LMF1: variants seen among roughly 807,000 people sequenced by gnomAD.
LMF1 encodes the protein transmembrane protein 112.
LMF1 carries 68 observed loss-of-function variants against 60.6 expected under a neutral mutation model. The observed-to-expected ratio is 1.12, with a 90% CI of 0.92 to 1.37. The LOEUF is 1.37. LMF1 is among the 40% of genes most tolerant of loss of function. The pLI, the probability that LMF1 is intolerant of heterozygous loss-of-function variation, is 0.00. For synonymous variants in LMF1, 418 were observed against 324.7 expected, an observed-to-expected ratio of 1.29 and a Z score of -3.09; for missense variants, 948 against 767.2, an observed-to-expected ratio of 1.24 and a Z score of -2.78.
intron 10 of LMF1, among the ~76,000 whole-genome samples, chr16:856,373 A>G (rs7188648): frequency 0.087 from 13,245 of 152,168 alleles, 1,703 homozygotes; most frequent in African/African-American, 0.28. Context: ...GACGGGCTGG[A>G]ATGCGGCCGT....
chr16:868,776 C>CGGT (rs1214317118), intron 10 of LMF1, among the ~76,000 whole-genome samples, 168 bp downstream of exon 10: 534 of 50,094 alleles, frequency 0.011, 5 homozygotes, highest in African/African-American at 0.024. Context: ...TGATGTGGGG[C>CGGT]GGGGGGGGGG....
chr16:861,353 TC>T (rs2069459800), intron 10 of LMF1, among the ~76,000 whole-genome samples: 3 of 137,078 alleles, frequency 2.2e-5, no homozygotes, highest in Admixed American at 7.6e-5. Context: ...TAATTTTCTT[TC>T]TTTTTTTTTT....
intron 8 of LMF1, 107 bp from the exon 9 acceptor site, chr16:870,173 G>C: frequency 7.7e-7 from 1 of 1,302,512 alleles, no homozygotes; most frequent in Non-Finnish European, 1.0e-6. Flanking sequence ...CCCAGGGGGA[G>C]GGCTACAGCC....
intron 4 of LMF1, among the ~76,000 whole-genome samples, chr16:894,882 C>T (rs1029760247): frequency 4.6e-5 from 7 of 152,222 alleles, no homozygotes; most frequent in African/African-American, 7.2e-5. Context: ...AAATGGAATT[C>T]GGGGAACACG....
intron 5 of LMF1, among the ~76,000 whole-genome samples, chr16:888,480 G>C (rs1344949387): frequency 6.6e-6 from 1 of 152,210 alleles, no homozygotes; most frequent in African/African-American, 2.4e-5. Context: ...CTTGATGACA[G>C]CTGACTTCCT....
At chr16:860,359 A>G (rs867439112) in intron 10 of LMF1, among the ~76,000 whole-genome samples, 30 of 145,286 alleles carry the variant, frequency 2.1e-4, no homozygotes, top group African/African-American at 7.7e-4. Flanking sequence ...TTTTTTTTTG[A>G]GATGGGCTCT....
chr16:981,222 G>A (rs1399831242), exon 1 of LMF1: 1 of 455,040 alleles, frequency 2.2e-6, no homozygotes, highest in East Asian at 7.0e-5. Context: ...GTCCTGGACC[G>A]CAGGCAGCAG....
intron 4 of LMF1, among the ~76,000 whole-genome samples, chr16:906,407 C>T (rs1380327451): frequency 6.6e-6 from 1 of 152,042 alleles, no homozygotes; most frequent in African/African-American, 2.4e-5. Context: ...TCATCAGCCG[C>T]CAGAGAATAT....
At chr16:912,403 G>T (rs537609483) in intron 3 of LMF1, among the ~76,000 whole-genome samples, 1 of 152,314 alleles carries the variant, frequency 6.6e-6, no homozygotes, top group South Asian at 2.1e-4. Context: ...ATCTCTACCT[G>T]AGATACTACG....
At chr16:871,709 G>A (rs1036993085) in intron 6 of LMF1, 1 of 224,636 alleles carries the variant, frequency 4.5e-6, no homozygotes, top group Non-Finnish European at 8.8e-6. Context: ...CCCGGGGAAG[G>A]CTGGTGAGTC....
chr16:862,966 G>T (rs956835149), intron 10 of LMF1, among the ~76,000 whole-genome samples: 1 of 152,104 alleles, frequency 6.6e-6, no homozygotes, highest in Non-Finnish European at 1.5e-5. Flanking sequence ...TCTGAGCCTG[G>T]ATATTTCTTT....
intron 6 of LMF1, chr16:871,932 A>G (rs2069807487): frequency 6.6e-6 from 1 of 152,626 alleles, no homozygotes; most frequent in Non-Finnish European, 1.5e-5. Context: ...GCTGAGCAGC[A>G]CGGCTGGGAG....
intron 1 of LMF1, among the ~76,000 whole-genome samples, chr16:966,818 CT>C (rs1368061807): frequency 1.3e-5 from 2 of 152,254 alleles, no homozygotes; most frequent in Non-Finnish European, 2.9e-5. Context: ...CTGAGCCCCA[CT>C]ACTTCCACCT....
intron 4 of LMF1, among the ~76,000 whole-genome samples, chr16:894,410 C>G (rs1184647022): frequency 1.4e-5 from 2 of 146,934 alleles, no homozygotes; most frequent in Non-Finnish European, 3.0e-5. Flanking sequence ...TCCACTGGAC[C>G]GTCCGTCGAC....
At chr16:953,936 CGTCCACACAGACA>C (rs2072579164) in intron 2 of LMF1, among the ~76,000 whole-genome samples, 1 of 95,916 alleles carries the variant, frequency 1.0e-5, no homozygotes, top group African/African-American at 3.9e-5. Context: ...GCTTCCTACA[CGTCCACACAGACA>C]CCCACCCCAA....
chr16:898,398 C>A (rs769544470), intron 4 of LMF1, among the ~76,000 whole-genome samples: 2 of 152,254 alleles, frequency 1.3e-5, no homozygotes, highest in Non-Finnish European at 2.9e-5. Flanking sequence ...CTGACCAATG[C>A]CAGCCGGGAG....
chr16:875,093 A>G (rs2069934740), intron 6 of LMF1, among the ~76,000 whole-genome samples: 1 of 152,022 alleles, frequency 6.6e-6, no homozygotes, highest in Non-Finnish European at 1.5e-5. Flanking sequence ...TCCTGGACAC[A>G]GTGTGGGGCT....
intron 10 of LMF1, among the ~76,000 whole-genome samples, chr16:858,608 G>C (rs1462139291): frequency 1.4e-4 from 14 of 97,046 alleles, no homozygotes; most frequent in Non-Finnish European, 8.6e-5. Context: ...CTCGGGACGG[G>C]TGTGCAGTGG....
rs376658034 is a variant in LMF1 at position 934,246 on chromosome 16, A to C, written c.512T>G (p.Phe171Cys). Residue 171 changes from phenylalanine to cysteine, a missense_variant and splice_region_variant, in exon 3 of 11, where the codon TTC becomes TGC. Physicochemically the swap from Phe to Cys is radical, Grantham distance 205. Coordinates refer to ENST00000262301, the MANE Select transcript of LMF1 (RefSeq NM_022773.4). ...LVNVGHVWYS[F>C]GWESQLLETG... is the part of the protein sequence containing the mutation. ...TTCTCTAAATGCATCTCACTTACCG[A>C]AAGAGTACCTGAAAAACAAAAGAAG... 1.9e-5 allele frequency: 30 copies of C among 1,599,262 alleles called. No homozygotes were observed. The highest frequency in any genetic ancestry group is 2.5e-5 in the Non-Finnish European group (29 of 1,179,756).
Sources: gnomAD v4.1 joint callset for allele counts (sites outside exome capture counted in the v4.1 genomes callset) on GRCh38, gnomAD v4.1.1 for gene constraint, MANE v1.5 for transcripts, NCBI Gene and HGNC (gene_info 2026-07-23, HGNC 2026-07-21) for gene names.